The following BEND7 variants were observed in gnomAD, a reference collection of about 807,000 sequenced individuals.
The protein encoded by BEND7 is BEN domain-containing protein 7.
BEND7 carries 28 observed loss-of-function variants against 50.9 expected under a neutral mutation model. The ratio of observed to expected loss-of-function variants is 0.55; its 90% CI spans 0.41 to 0.75. BEND7 has a LOEUF of 0.75. Ranked by LOEUF, BEND7 falls within the 30% of genes least tolerant of loss-of-function variation. The pLI is 0.00. For missense variants in BEND7, 477 were observed against 491.3 expected (o/e 0.97, Z 0.28); for synonymous variants, 170 against 183.9 (o/e 0.92, Z 0.61).
At chr10:13,444,718 A>T (rs374903379) in intron 8 of BEND7, 4 of 152,212 alleles carry the variant, frequency 2.6e-5, no homozygotes, top group African/African-American at 9.6e-5. Context: ...CAGAATGGGG[A>T]TTTTACTTTG....
chr10:13,467,562 A>T (rs556000342), intron 6 of BEND7, among the ~76,000 whole-genome samples: 1 of 152,320 alleles, frequency 6.6e-6, no homozygotes, highest in East Asian at 1.9e-4. Context: ...TTTTTATTTT[A>T]GATTACCTTA....
In BEND7 at chr10:13,480,223, T is replaced by C. The variant is rs545372935; in HGVS notation, c.1063+676A>G. Among the ~76,000 whole-genome samples, 170 of 152,350 alleles carry C rather than the reference T, an allele frequency of 1.1e-3. 1 individual carries two copies. Among genetic ancestry groups the C allele is most frequent in the Non-Finnish European group, 2.1e-3 (144 of 68,026 alleles). On this transcript the variant is annotated intron_variant, in intron 6 of 8. Coordinates refer to ENST00000466271, the MANE Select transcript of BEND7 (RefSeq NM_001369863.1). ...AGTTAAGAGAAGTAGGTTTAGGATGTGGCACTGGATATAAATGCAGAGGTG... is the reference window on the plus strand; with the variant it reads ...AGTTAAGAGAAGTAGGTTTAGGATGCGGCACTGGATATAAATGCAGAGGTG...
At chr10:13,525,564 A>G (rs894244995) in intron 2 of BEND7, among the ~76,000 whole-genome samples, 1 of 152,196 alleles carries the variant, frequency 6.6e-6, no homozygotes, top group Non-Finnish European at 1.5e-5. Flanking sequence ...GATAACTAGC[A>G]CTATCAAGAG....
intron 5 of BEND7, among the ~76,000 whole-genome samples, chr10:13,487,388 CTTTT>C (rs930230162): frequency 8.1e-6 from 1 of 122,838 alleles, no homozygotes; most frequent in Non-Finnish European, 1.6e-5. Context: ...CTTTTCTTTT[CTTTT>C]TTTTTTTTTT....
At chr10:13,447,798 A>T (rs2130925600) in intron 7 of BEND7, among the ~76,000 whole-genome samples, 1 of 152,218 alleles carries the variant, frequency 6.6e-6, no homozygotes, top group East Asian at 1.9e-4. Flanking sequence ...AAACTTTTTA[A>T]AATCTTATGA....
At chr10:13,477,502 TAAC>T (rs556789951) in intron 6 of BEND7, among the ~76,000 whole-genome samples, 3 of 152,148 alleles carry the variant, frequency 2.0e-5, no homozygotes, top group African/African-American at 7.2e-5. Flanking sequence ...TCTCTACGAA[TAAC>T]AACAACAACA....
At chr10:13,474,157 A>T (rs768534015) in intron 6 of BEND7, among the ~76,000 whole-genome samples, 7 of 151,390 alleles carry the variant, frequency 4.6e-5, no homozygotes, top group Non-Finnish European at 7.4e-5. Context: ...TGTGGCCAAC[A>T]TCTGTCATCG....
In BEND7 at chr10:13,481,064, T is replaced by C. The variant is rs997634739; in HGVS notation, c.898A>G (p.Ile300Val). ...CCTGAGCGAGTGTAGTTTGACAATA[T>C]AGAGTCCAGCTGAGATTTAGGCATA... ...VFMPKSQLDS[I>V]LSNYTRSGSL... is the part of the protein sequence containing the mutation. The change falls in exon 6 of 9, where the codon ATA becomes GTA. Residue 300 changes from isoleucine to valine, a missense_variant. Around this residue, in one of 3 missense-constraint regions of BEND7, gnomAD observed 396 missense variants for 384.2 expected, o/e 1.03. Transcript: ENST00000466271. The C allele has an allele frequency of 3.1e-6, 5 of 1,614,120 alleles. No individual in the cohort carries two copies. In the South Asian group the frequency reaches 3.3e-5, roughly 11 times the overall value.
At chr10:13,482,575 T>C (rs1049770552) in intron 5 of BEND7, among the ~76,000 whole-genome samples, 10 of 152,226 alleles carry the variant, frequency 6.6e-5, no homozygotes, top group Admixed American at 1.3e-4. Context: ...GCTCAGAGCA[T>C]AGCTTCAATT....
chr10:13,494,738 TTTTC>T lies in BEND7; in HGVS notation c.572-1866_572-1863del, dbSNP rs2076917098. On this transcript the variant is annotated intron_variant, in intron 4 of 8. Transcript: ENST00000466271. ...TAAGGAACACGGGGACTATCTGAGT[TTTTC>T]TTCTCCTTTTGCAAATCTAGACACA... 1.1e-4 allele frequency among the ~76,000 whole-genome samples: 16 copies of T among 152,260 alleles called. No individual in the cohort carries two copies. The South Asian group carries it at 3.3e-3, about 32-fold the overall frequency.
intron 6 of BEND7, among the ~76,000 whole-genome samples, chr10:13,474,921 A>G (rs2075317150): frequency 6.6e-6 from 1 of 152,246 alleles, no homozygotes; most frequent in Non-Finnish European, 1.5e-5. Context: ...GGGCATCTGA[A>G]AGCAATCAGA....
rs149672977 is a variant in BEND7, at chr10:13,456,305, G to A, written c.1064-3647C>T. On this transcript the variant is annotated intron_variant, in intron 6 of 8. Coordinates refer to ENST00000466271, the MANE Select transcript of BEND7 (RefSeq NM_001369863.1). The stretch of plus-strand genomic sequence containing the variant: ...ATGCAGGAGCAGCTGAGGAGCAACC[G>A]CGTGTGAGGATGCTCAGGTGTGGCC... 4.5e-3 allele frequency among the ~76,000 whole-genome samples: 679 copies of A among 152,264 alleles called. 6 individuals are homozygous for A. The highest frequency in any genetic ancestry group is 0.016 in the African/African-American group (659 of 41,550).
chr10:13,447,465 A>T, intron 7 of BEND7, 149 bp from the exon 8 acceptor site: 1 of 628,772 alleles, frequency 1.6e-6, no homozygotes, highest in Non-Finnish European at 2.7e-6. Flanking sequence ...GGTTCATATT[A>T]CAGATGTTAA....
chr10:13,454,143 C>T (rs1838401841), intron 6 of BEND7, among the ~76,000 whole-genome samples: 1 of 152,134 alleles, frequency 6.6e-6, no homozygotes, highest in Non-Finnish European at 1.5e-5. Context: ...TGGTTAATCA[C>T]ATGATGTGGT....
At chr10:13,490,631 G>A (rs1393337363) in intron 5 of BEND7, among the ~76,000 whole-genome samples, 1 of 152,132 alleles carries the variant, frequency 6.6e-6, no homozygotes, top group African/African-American at 2.4e-5. Flanking sequence ...TAAGATTCAG[G>A]CACAATTCTT....
intron 2 of BEND7, among the ~76,000 whole-genome samples, chr10:13,524,559 G>A (rs562146387): frequency 1.3e-5 from 2 of 148,508 alleles, no homozygotes; most frequent in East Asian, 2.0e-4. Flanking sequence ...CAGGAGAATC[G>A]CCTGAACCTG....
At chr10:13,524,492 A>C (rs2079297337) in intron 2 of BEND7, among the ~76,000 whole-genome samples, 1 of 151,956 alleles carries the variant, frequency 6.6e-6, no homozygotes, top group Admixed American at 6.6e-5. Context: ...AAAATACAAA[A>C]AATTAGCCAA....
intron 6 of BEND7, among the ~76,000 whole-genome samples, chr10:13,454,291 C>G (rs1019958225): frequency 6.6e-6 from 1 of 152,120 alleles, no homozygotes; most frequent in African/African-American, 2.4e-5. Context: ...CCAGCAGACA[C>G]CAAAATCTGC....
intron 2 of BEND7, among the ~76,000 whole-genome samples, chr10:13,514,845 T>C (rs2078547523): frequency 6.6e-6 from 1 of 152,236 alleles, no homozygotes; most frequent in Non-Finnish European, 1.5e-5. Flanking sequence ...ATCTCCTGAC[T>C]TTTTACTTTT....
Sources: allele counts gnomAD v4.1 joint callset (sites outside exome capture counted in the v4.1 genomes callset), GRCh38; gene constraint gnomAD v4.1.1; regional missense constraint gnomAD v4.1.1; transcripts MANE v1.5; gene names NCBI Gene and HGNC (gene_info 2026-07-23, HGNC 2026-07-21).